SCFD2: variants seen among roughly 807,000 people sequenced by gnomAD.
SCFD2 encodes sec1 family domain-containing protein 2.
In SCFD2, 54 loss-of-function variants were observed where a neutral mutation model predicts 58.9. The ratio of observed to expected loss-of-function variants is 0.92; its 90% CI spans 0.74 to 1.15. The LOEUF (loss-of-function observed/expected upper bound fraction) is 1.15, where lower values mean the gene tolerates loss of function less well. Among genes scored for constraint, SCFD2 ranks in the 50% most tolerant of loss-of-function variants. SCFD2 has a pLI of 0.00. For synonymous variants in SCFD2, 321 were observed against 335.9 expected, an observed-to-expected ratio of 0.96 and a Z score of 0.49; for missense variants, 805 against 836.6, an observed-to-expected ratio of 0.96 and a Z score of 0.47.
intron 5 of SCFD2, among the ~76,000 whole-genome samples, chr4:52,967,691 T>C (rs914868896): frequency 6.6e-6 from 1 of 152,216 alleles, no homozygotes; most frequent in Non-Finnish European, 1.5e-5. Flanking sequence ...AGACTACAGC[T>C]GGTGCTGATT....
chr4:53,244,128 C>T (rs1206316194), intron 4 of SCFD2, among the ~76,000 whole-genome samples: 1 of 152,022 alleles, frequency 6.6e-6, no homozygotes, highest in East Asian at 1.9e-4. Context: ...CTTAGACTCC[C>T]ACATAATAAT....
At chr4:53,114,595 G>A (rs1034177232) in intron 5 of SCFD2, among the ~76,000 whole-genome samples, 1 of 152,080 alleles carries the variant, frequency 6.6e-6, no homozygotes, top group Non-Finnish European at 1.5e-5. Flanking sequence ...TTTTTTAAAG[G>A]CTGAAAGAAA....
chr4:53,264,923 T>A (rs1380326814), intron 4 of SCFD2, among the ~76,000 whole-genome samples: 1 of 152,224 alleles, frequency 6.6e-6, no homozygotes, highest in Non-Finnish European at 1.5e-5. Context: ...CTCAATTTTC[T>A]TGAGTGACTT....
intron 5 of SCFD2, among the ~76,000 whole-genome samples, chr4:53,096,423 G>C (rs1724636879): frequency 6.6e-6 from 1 of 152,226 alleles, no homozygotes; most frequent in African/African-American, 2.4e-5. Flanking sequence ...ACTGGTGTGA[G>C]ATGGTATCTC....
At chr4:52,939,945 A>C (rs1720247814) in intron 5 of SCFD2, among the ~76,000 whole-genome samples, 1 of 152,218 alleles carries the variant, frequency 6.6e-6, no homozygotes, top group Non-Finnish European at 1.5e-5. Flanking sequence ...AACCAAGAGA[A>C]GCTCTGCTCT....
intron 5 of SCFD2, among the ~76,000 whole-genome samples, chr4:53,048,103 C>A (rs1723088325): frequency 6.6e-6 from 1 of 152,198 alleles, no homozygotes; most frequent in Non-Finnish European, 1.5e-5. Flanking sequence ...GTAATCCCAG[C>A]ACTTTAGGAG....
chr4:53,102,095 A>G (rs1182272411), intron 5 of SCFD2, among the ~76,000 whole-genome samples: 1 of 152,222 alleles, frequency 6.6e-6, no homozygotes, highest in Non-Finnish European at 1.5e-5. Flanking sequence ...CAAGTCCAGC[A>G]AAAGACCTGA....
chr4:53,249,636 G>T (rs148639178), intron 4 of SCFD2, among the ~76,000 whole-genome samples: 3 of 152,208 alleles, frequency 2.0e-5, no homozygotes, highest in Non-Finnish European at 2.9e-5. Flanking sequence ...CCAGAAGAGA[G>T]TGGGGGCCAA....
At chr4:53,253,093 C>G (rs1462007435) in intron 4 of SCFD2, among the ~76,000 whole-genome samples, 1 of 152,198 alleles carries the variant, frequency 6.6e-6, no homozygotes, top group Non-Finnish European at 1.5e-5. Flanking sequence ...TGAACAGACA[C>G]TTCTCAAAAG....
At chr4:53,332,365 C>T (rs1290939616) in intron 2 of SCFD2, among the ~76,000 whole-genome samples, 2 of 151,264 alleles carry the variant, frequency 1.3e-5, no homozygotes, top group Admixed American at 6.6e-5. Context: ...ACTGGCAAAA[C>T]GAATCCAGCA....
At chr4:53,241,683 C>T (rs1729898438) in intron 4 of SCFD2, among the ~76,000 whole-genome samples, 1 of 152,202 alleles carries the variant, frequency 6.6e-6, no homozygotes, top group African/African-American at 2.4e-5. Flanking sequence ...CCTTGCCTTC[C>T]GTCCCATGCC....
At chr4:53,254,869 AT>A (rs1730546623) in intron 4 of SCFD2, among the ~76,000 whole-genome samples, 1 of 125,042 alleles carries the variant, frequency 8.0e-6, no homozygotes, top group African/African-American at 3.2e-5. Context: ...TATTTATTTT[AT>A]TTTATTTTAT....
At chr4:53,203,996 G>A (rs890529440) in intron 4 of SCFD2, among the ~76,000 whole-genome samples, 2 of 152,114 alleles carry the variant, frequency 1.3e-5, no homozygotes, top group Non-Finnish European at 2.9e-5. Flanking sequence ...TTTCTTCTAT[G>A]TGTCTCCCAG....
intron 4 of SCFD2, among the ~76,000 whole-genome samples, chr4:53,227,789 A>C (rs1300072339): frequency 6.6e-6 from 1 of 152,160 alleles, no homozygotes; most frequent in Non-Finnish European, 1.5e-5. Context: ...TTATTTCTGC[A>C]AAAAATCAAA....
At chr4:53,155,493 T>C (rs1235644483) in intron 4 of SCFD2, among the ~76,000 whole-genome samples, 1 of 152,192 alleles carries the variant, frequency 6.6e-6, no homozygotes, top group Non-Finnish European at 1.5e-5. Flanking sequence ...TTGTTATAAA[T>C]TACCCAGTCT....
intron 4 of SCFD2, among the ~76,000 whole-genome samples, chr4:53,174,970 G>A: frequency 6.6e-6 from 1 of 152,110 alleles, no homozygotes; most frequent in Non-Finnish European, 1.5e-5. Context: ...ACGGACCACA[G>A]CTCCATATTG....
At chr4:53,098,673 A>G (rs1048363624) in intron 5 of SCFD2, among the ~76,000 whole-genome samples, 2 of 151,976 alleles carry the variant, frequency 1.3e-5, no homozygotes, top group Non-Finnish European at 2.9e-5. Flanking sequence ...TTATCTCCTC[A>G]GTACTTTAAG....
chr4:53,203,382 T>C (rs1322759296), intron 4 of SCFD2, among the ~76,000 whole-genome samples: 2 of 152,064 alleles, frequency 1.3e-5, no homozygotes, highest in African/African-American at 4.8e-5. Context: ...TATTTGATTC[T>C]AGTTAGATCA....
intron 4 of SCFD2, among the ~76,000 whole-genome samples, chr4:53,231,299 C>T (rs1041800378): frequency 2.0e-5 from 3 of 152,022 alleles, no homozygotes; most frequent in African/African-American, 4.8e-5. Context: ...TAATGCAAGC[C>T]GCACAACAGC....
Sources: allele counts gnomAD v4.1 joint callset (sites outside exome capture counted in the v4.1 genomes callset), GRCh38; gene constraint gnomAD v4.1.1; transcripts MANE v1.5; gene names NCBI Gene and HGNC (gene_info 2026-07-23, HGNC 2026-07-21).